AGBL1: variants seen among roughly 807,000 people sequenced by gnomAD.
AGBL1 encodes AGBL carboxypeptidase 1.
Under a neutral mutation model 118.9 loss-of-function variants are expected in AGBL1, and 130 were observed. The ratio of observed to expected loss-of-function variants is 1.09; its 90% CI spans 0.95 to 1.26. The LOEUF is 1.26. AGBL1 is among the 50% of genes most tolerant of loss of function. The pLI is 0.00. For missense variants in AGBL1, 1,584 were observed against 1,298.1 expected, an observed-to-expected ratio of 1.22 and a Z score of -3.38; for synonymous variants, 555 against 478.9, an observed-to-expected ratio of 1.16 and a Z score of -2.08.
chr15:86,718,199 G>T (rs934143488), intron 22 of AGBL1, among the ~76,000 whole-genome samples: 2 of 152,174 alleles, frequency 1.3e-5, no homozygotes, highest in East Asian at 3.8e-4. Context: ...TCGCTGCCCA[G>T]CTAGAAAACC....
chr15:86,081,088 G>C (rs1895249616), intron 1 of AGBL1, among the ~76,000 whole-genome samples: 1 of 152,186 alleles, frequency 6.6e-6, no homozygotes, highest in South Asian at 2.1e-4. Flanking sequence ...CTGTCGCCCA[G>C]GCTGGAGTGC....
chr15:86,642,969 T>C (rs907687425), intron 21 of AGBL1, among the ~76,000 whole-genome samples: 2 of 152,132 alleles, frequency 1.3e-5, no homozygotes, highest in African/African-American at 4.8e-5. Flanking sequence ...TAGAGCGAGT[T>C]TGGGGTTTTG....
At chr15:86,598,099 G>A (rs1596300675) in intron 21 of AGBL1, among the ~76,000 whole-genome samples, 1 of 151,978 alleles carries the variant, frequency 6.6e-6, no homozygotes, top group Non-Finnish European at 1.5e-5. Context: ...TCATTTTCTT[G>A]CTTATGAGGG....
intron 17 of AGBL1, among the ~76,000 whole-genome samples, chr15:86,392,425 C>A (rs942101284): frequency 6.6e-6 from 1 of 152,112 alleles, no homozygotes; most frequent in African/African-American, 2.4e-5. Context: ...GATGAATGTC[C>A]CTGATGGCAT....
At chr15:86,309,465 G>A (rs2141820336) in intron 17 of AGBL1, among the ~76,000 whole-genome samples, 1 of 152,288 alleles carries the variant, frequency 6.6e-6, no homozygotes, top group African/African-American at 2.4e-5. Flanking sequence ...GGTGAGAGTA[G>A]GCATCCTTGT....
At chr15:86,807,893 C>G (rs998781100) in intron 22 of AGBL1, among the ~76,000 whole-genome samples, 3 of 152,212 alleles carry the variant, frequency 2.0e-5, no homozygotes, top group African/African-American at 7.2e-5. Context: ...CTATGTTCCA[C>G]CCATTCCACC....
intron 18 of AGBL1, among the ~76,000 whole-genome samples, chr15:86,482,299 G>A (rs530282684): frequency 6.6e-6 from 1 of 152,276 alleles, no homozygotes; most frequent in South Asian, 2.1e-4. Context: ...AAGGGAGCTA[G>A]AGAGCACAAA....
chr15:86,942,061 AG>A (rs1276482879), intron 23 of AGBL1, among the ~76,000 whole-genome samples: 15 of 152,236 alleles, frequency 9.9e-5, no homozygotes, highest in African/African-American at 3.6e-4. Context: ...AGGACAGAAG[AG>A]TCAACTCTTG....
intron 21 of AGBL1, among the ~76,000 whole-genome samples, chr15:86,598,826 A>G (rs2437809): frequency 0.85 from 130,004 of 152,114 alleles, 56,645 homozygotes; most frequent in East Asian, 0.99. Flanking sequence ...TGTTCTGTAG[A>G]CAGTGAAATT....
At position 86,298,248 on chromosome 15, in the gene AGBL1, TATATATATATATATATATATA is replaced by T. The variant is rs1567185615; in HGVS notation, c.2374+2841_2374+2861del. Among the ~76,000 whole-genome samples the T allele has an allele frequency of 6.8e-4, 32 of 46,736 alleles. 1 individual carries two copies. Among genetic ancestry groups the T allele is most frequent in the African/African-American group, 2.0e-3 (29 of 14,204 alleles). 30.7% of individuals were successfully genotyped at this position (46,736 alleles called of 152,430 possible). On this transcript the variant is annotated intron_variant, in intron 17 of 22. Transcript: ENST00000614907. ...ATACAGGGTACGTGTCTGTGTATAA[TATATATATATATATATATATA>T]TATATATATATGGTAACTATATATA...
chr15:86,291,984 G>A lies in AGBL1; in HGVS notation c.2221-3271G>A, dbSNP rs2141762350. ...GCTTCTTATAATTCCTTTACTTAGT[G>A]TTGTGTCAAATCCTGGCTTTCTGGA... On this transcript the variant is annotated intron_variant, in intron 16 of 22. Transcript: ENST00000614907. 1.3e-5 allele frequency among the ~76,000 whole-genome samples: 2 copies of A among 152,262 alleles called. 1 individual carries two copies. The highest frequency in any genetic ancestry group is 4.1e-4 in the South Asian group (2 of 4,820).
chr15:86,978,776 C>T lies in AGBL1; in HGVS notation c.3222-9211C>T, dbSNP rs1596700334. ...TGTAAAAGAACAAATAATATTAAGG[C>T]CTCTCAGACTGGCAAGATATGGAGC... is the stretch of plus-strand genomic sequence containing the variant. On this transcript the variant is annotated intron_variant, in intron 23 of 24. Transcript: ENST00000441037. 2.0e-5 allele frequency among the ~76,000 whole-genome samples: 3 copies of T among 152,204 alleles called. No individual in the cohort carries two copies. In the East Asian group the frequency reaches 5.8e-4, roughly 29 times the overall value.
At chr15:86,306,010 T>C (rs1214042000) in intron 17 of AGBL1, among the ~76,000 whole-genome samples, 1 of 151,950 alleles carries the variant, frequency 6.6e-6, no homozygotes, top group East Asian at 1.9e-4. Context: ...TTTAATTTAA[T>C]TTTTTTTATT....
In AGBL1 at chr15:86,931,017, G is replaced by A. The variant is rs561998029; in HGVS notation, c.3222-56970G>A. On this transcript the variant is annotated intron_variant, in intron 23 of 24. Coordinates refer to the AGBL1 transcript ENST00000441037. Reference sequence around the variant, plus strand: ...CTGGCATGTAGACCTCAGATAAGGAGGAGCTGAGGACTGGACTCTGACTGC... The same window carrying A: ...CTGGCATGTAGACCTCAGATAAGGAAGAGCTGAGGACTGGACTCTGACTGC... Among the ~76,000 whole-genome samples, 4 of 152,274 alleles carry A rather than the reference G, an allele frequency of 2.6e-5. No individual in the cohort carries two copies. In the East Asian group the frequency reaches 7.7e-4, roughly 29 times the overall value.
chr15:86,268,896 T>C (rs746251391), intron 13 of AGBL1, among the ~76,000 whole-genome samples: 7 of 152,152 alleles, frequency 4.6e-5, no homozygotes, highest in Non-Finnish European at 8.8e-5. Flanking sequence ...TATGAATGGA[T>C]TGGGGCAAAA....
chr15:86,998,389 G>A (rs1273949361), intron 24 of AGBL1, among the ~76,000 whole-genome samples: 2 of 152,050 alleles, frequency 1.3e-5, no homozygotes, highest in East Asian at 3.9e-4. Flanking sequence ...AGAAATTGAG[G>A]ACTTCAATCC....
At chr15:86,216,730 G>T (rs1228481214) in intron 5 of AGBL1, among the ~76,000 whole-genome samples, 1 of 152,102 alleles carries the variant, frequency 6.6e-6, no homozygotes, top group Non-Finnish European at 1.5e-5. Flanking sequence ...AAAAAATGTA[G>T]AGTTGTCAGA....
At chr15:86,179,000 T>C (rs1174457567) in intron 5 of AGBL1, among the ~76,000 whole-genome samples, 1 of 152,154 alleles carries the variant, frequency 6.6e-6, no homozygotes, top group Non-Finnish European at 1.5e-5. Context: ...GTAGAGGATA[T>C]AGGTTAGCAT....
At chr15:86,150,526 G>T (rs1409893156) in intron 3 of AGBL1, among the ~76,000 whole-genome samples, 1 of 152,158 alleles carries the variant, frequency 6.6e-6, no homozygotes, top group Non-Finnish European at 1.5e-5. Context: ...AAATCTAGAA[G>T]AAATGGATAA....
Sources: allele counts gnomAD v4.1 joint callset (sites outside exome capture counted in the v4.1 genomes callset), GRCh38; gene constraint gnomAD v4.1.1; transcripts MANE v1.5; gene names NCBI Gene and HGNC (gene_info 2026-07-23, HGNC 2026-07-21).